Variants in ABCC3 observed in about 807,000 individuals in gnomAD.
The protein encoded by ABCC3 is ATP-binding cassette sub-family C member 3.
In ABCC3, 121 loss-of-function variants were observed where a neutral mutation model predicts 165.3. The observed-to-expected ratio is 0.73, with a 90% CI of 0.63 to 0.85. ABCC3 has a LOEUF of 0.85. Ranked by LOEUF, ABCC3 falls within the 40% of genes least tolerant of loss-of-function variation. ABCC3 has a pLI of 0.00. For synonymous variants in ABCC3, 733 were observed against 810.1 expected (o/e 0.90, Z 1.62); for missense variants, 1,869 against 1,964.1 (o/e 0.95, Z 0.92).
At chr17:50,653,338 C>A (rs1422220821) in intron 1 of ABCC3, among the ~76,000 whole-genome samples, 3 of 118,090 alleles carry the variant, frequency 2.5e-5, no homozygotes, top group African/African-American at 1.0e-4. Context: ...AAGAGCGAGA[C>A]TGTCTCAAAA....
chr17:50,649,011 C>T (rs1781247940), intron 1 of ABCC3, among the ~76,000 whole-genome samples: 1 of 151,576 alleles, frequency 6.6e-6, no homozygotes, highest in African/African-American at 2.4e-5. Flanking sequence ...ACTCGGGAGG[C>T]TGAGGCAGGA....
At position 50,656,753 on chromosome 17, in the gene ABCC3, T is replaced by TTCCATGGCCTGG. The variant is rs773457212; in HGVS notation, c.284_295dup (p.Leu95_Gly98dup). On this transcript the variant is annotated inframe_insertion, in exon 3 of 31. Coordinates refer to ENST00000285238, the MANE Select transcript of ABCC3 (RefSeq NM_003786.4). ...CTCCTGGGCGGACCTTTTTTACTCC[T>TTCCATGGCCTGG]TCCATGGCCTGGTCCATGGCCGGGC... 6 of 1,614,060 alleles carry TTCCATGGCCTGG rather than the reference T, an allele frequency of 3.7e-6. No individual in the cohort carries two copies. The highest frequency in any genetic ancestry group is 3.4e-6 in the Non-Finnish European group (4 of 1,179,966).
intron 13 of ABCC3, 24 bp downstream of exon 13, chr17:50,668,033 C>T (rs760679596): frequency 1.2e-6 from 2 of 1,603,132 alleles, no homozygotes; most frequent in Admixed American, 3.3e-5. Flanking sequence ...GGGCTGGGGG[C>T]TCTACTGGAG....
At chr17:50,672,289 C>G (rs1355596305) in intron 17 of ABCC3, among the ~76,000 whole-genome samples, 1 of 152,198 alleles carries the variant, frequency 6.6e-6, no homozygotes, top group African/African-American at 2.4e-5. Flanking sequence ...TCGTGACGGG[C>G]TTATTTCACT....
intron 19 of ABCC3, among the ~76,000 whole-genome samples, chr17:50,673,907 T>TCTTC (rs1567835391): frequency 6.4e-4 from 7 of 10,944 alleles, no homozygotes; most frequent in African/African-American, 3.4e-3. Flanking sequence ...CTGTTTTCTT[T>TCTTC]CTTTCTTTCT....
Position 50,691,189 on chromosome 17 carries a change from G to A in ABCC3, c.4573G>A (p.Gly1525Arg), listed in dbSNP as rs917330486. The change falls in exon 31 of 31, where the codon GGA becomes AGA. Residue 1525 changes from glycine to arginine, a missense_variant. By Grantham distance (125) the Gly-to-Arg change is moderately radical. Coordinates refer to ENST00000285238, the MANE Select transcript of ABCC3 (RefSeq NM_003786.4). ...CTTCTACGGGATGGCCAGAGATGCT[G>A]GACTTGCCTAAAATATATTCCTGAG... ...GIFYGMARDA[G>R]LA 16 of 1,613,294 alleles carry A rather than the reference G, an allele frequency of 9.9e-6. No homozygotes were observed. The highest frequency in any genetic ancestry group is 1.3e-5 in the Non-Finnish European group (15 of 1,179,336).
chr17:50,665,396 C>T (rs1967501220), intron 11 of ABCC3, 151 bp downstream of exon 11: 3 of 653,468 alleles, frequency 4.6e-6, no homozygotes, highest in African/African-American at 1.8e-5. Flanking sequence ...CTCACTCTTC[C>T]CTCACAGCTC....
intron 11 of ABCC3, 114 bp downstream of exon 11, chr17:50,665,359 G>A (rs1228575635): frequency 2.4e-6 from 2 of 841,918 alleles, no homozygotes; most frequent in Non-Finnish European, 3.9e-6. Context: ...AGTATGGATG[G>A]CTACTAGCCA....
At position 50,645,253 on chromosome 17, in the gene ABCC3, A is replaced by T. The variant is rs142583648; in HGVS notation, c.45+10272A>T. 2.0e-3 allele frequency among the ~76,000 whole-genome samples: 297 copies of T among 151,288 alleles called. 4 individuals carry two copies. Among genetic ancestry groups the T allele is most frequent in the African/African-American group, 6.6e-3 (273 of 41,262 alleles). ...ACCAGCCGTGGTGGTGCACGCCCGTAATCCCAGCTACTCAGAAGGCTGAGG... is the reference window on the plus strand; with the variant it reads ...ACCAGCCGTGGTGGTGCACGCCCGTTATCCCAGCTACTCAGAAGGCTGAGG... On this transcript the variant is annotated intron_variant, in intron 1 of 30. Coordinates refer to ENST00000285238, the MANE Select transcript of ABCC3 (RefSeq NM_003786.4).
At chr17:50,674,849 G>C (rs1326641291) in intron 19 of ABCC3, among the ~76,000 whole-genome samples, 4 of 150,336 alleles carry the variant, frequency 2.7e-5, no homozygotes, top group Non-Finnish European at 5.9e-5. Context: ...GCCCAGGCTG[G>C]AGTGCAACGG....
chr17:50,637,728 G>A (rs2054192708), intron 1 of ABCC3, among the ~76,000 whole-genome samples: 1 of 152,264 alleles, frequency 6.6e-6, no homozygotes, highest in African/African-American at 2.4e-5. Flanking sequence ...AGGGAATGTG[G>A]AATGATTTTA....
Position 50,673,598 on chromosome 17 carries a change from A to G in ABCC3, c.2539A>G (p.Asn847Asp). 6.2e-7 allele frequency: 1 copy of G among 1,614,164 alleles called. No homozygotes were observed. Among genetic ancestry groups the G allele is most frequent in the Non-Finnish European group, 8.5e-7 (1 of 1,180,030 alleles). ...GCTGCAGCGCAACGGCTCCTTTGCC[A>G]ACTTTCTCTGCAACTATGCCCCCGA... ...ALLQRNGSFANFLCNYAPDED... is the reference protein window; with the variant it reads ...ALLQRNGSFADFLCNYAPDED... The change falls in exon 19 of 31, where the codon AAC (asparagine) becomes GAC (aspartate). Residue 847 changes from asparagine to aspartate, a missense_variant. By Grantham distance (23) the Asn-to-Asp change is conservative. Coordinates refer to ENST00000285238, the MANE Select transcript of ABCC3 (RefSeq NM_003786.4).
chr17:50,674,002 C>T (rs1384589573), intron 19 of ABCC3, among the ~76,000 whole-genome samples: 626 of 9,208 alleles, frequency 0.068, 135 homozygotes, highest in Non-Finnish European at 0.089. Context: ...CTCTCTCTCT[C>T]TCTCTCTCTC....
intron 26 of ABCC3, among the ~76,000 whole-genome samples, chr17:50,681,171 C>A (rs1418902069): frequency 6.6e-6 from 1 of 152,104 alleles, no homozygotes; most frequent in Non-Finnish European, 1.5e-5. Flanking sequence ...CCCCAAGAAG[C>A]CCATGTTCTC....
intron 1 of ABCC3, among the ~76,000 whole-genome samples, chr17:50,654,053 T>C (rs1314201861): frequency 6.6e-6 from 1 of 152,208 alleles, no homozygotes; most frequent in Non-Finnish European, 1.5e-5. Context: ...AGGCCAAATT[T>C]AATCTAATTT....
At chr17:50,657,231 G>A in intron 4 of ABCC3, 48 bp downstream of exon 4, 1 of 1,597,322 alleles carries the variant, frequency 6.3e-7, no homozygotes, top group Non-Finnish European at 8.5e-7. Context: ...CCTGATAGGA[G>A]GGTGACCTCA....
intron 1 of ABCC3, among the ~76,000 whole-genome samples, chr17:50,636,603 C>T (rs1220501428): frequency 3.3e-5 from 5 of 152,174 alleles, no homozygotes; most frequent in African/African-American, 9.7e-5. Context: ...CTGGTATGAC[C>T]GTGGCAGGTT....
Position 50,677,955 on chromosome 17 carries a change from C to T in ABCC3, c.3578+12C>T, listed in dbSNP as rs770887660. 1.2e-6 allele frequency: 2 copies of T among 1,614,176 alleles called. No individual in the cohort carries two copies. Among genetic ancestry groups the T allele is most frequent in the Non-Finnish European group, 1.7e-6 (2 of 1,180,036 alleles). ...ATCATCTCCAACCGGTCAGAAGCCG[C>T]CTCCCTCGCTCCCTGCTCCTCCAGG... is the stretch of plus-strand genomic sequence containing the variant. On this transcript the variant is annotated intron_variant, in intron 24 of 30. Transcript: ENST00000285238.
chr17:50,635,205 C>A, intron 1 of ABCC3: 1 of 622,310 alleles, frequency 1.6e-6, no homozygotes, highest in Non-Finnish European at 2.8e-6. Flanking sequence ...TCTGCCCTTC[C>A]CGGCTGCAGC....
Sources: allele counts gnomAD v4.1 joint callset (sites outside exome capture counted in the v4.1 genomes callset), GRCh38; gene constraint gnomAD v4.1.1; transcripts MANE v1.5; gene names NCBI Gene and HGNC (gene_info 2026-07-23, HGNC 2026-07-21).